PTPRN2: variants seen among roughly 807,000 people sequenced by gnomAD.
PTPRN2 encodes the protein receptor-type tyrosine-protein phosphatase N2.
Under a neutral mutation model 118.8 loss-of-function variants are expected in PTPRN2, and 74 were observed. That is an observed-to-expected ratio of 0.62 (90% confidence interval 0.52 to 0.76). The LOEUF (loss-of-function observed/expected upper bound fraction) is 0.76. Ranked by LOEUF, PTPRN2 falls within the 30% of genes least tolerant of loss-of-function variation. The pLI is 0.00. For synonymous variants in PTPRN2, 641 were observed against 608.0 expected (o/e 1.05, Z -0.80); for missense variants, 1,481 against 1,394.4 (o/e 1.06, Z -0.99).
chr7:158,383,952 C>G (rs2151353780), intron 2 of PTPRN2, among the ~76,000 whole-genome samples: 1 of 152,342 alleles, frequency 6.6e-6, no homozygotes, highest in African/African-American at 2.4e-5. Context: ...GAATCCTTTT[C>G]ACTTGAGTCC....
In PTPRN2 at chr7:157,569,001, G is replaced by A. The variant is rs55645555; in HGVS notation, c.2838-35C>T. On this transcript the variant is annotated intron_variant, in intron 20 of 22. Transcript: ENST00000389418. The stretch of plus-strand genomic sequence containing the variant: ...GAAGGAGAGAAATGAAAGTGCTGCC[G>A]TCCACACGGAAGCCCGACCCACAAC... 4,938 of 1,523,158 alleles carry A rather than the reference G, an allele frequency of 3.2e-3. 13 individuals are homozygous for A. Among genetic ancestry groups the A allele is most frequent in the South Asian group, 4.8e-3 (428 of 89,160 alleles). The allele number at this position is 1,523,158 out of a possible 1,614,324, so 94.4% of individuals were successfully genotyped here.
Position 157,695,621 on chromosome 7 carries a change from A to G in PTPRN2, c.1789-12684T>C, listed in dbSNP as rs74895830. ...GGTCAGCCTCCTAGTAAAGCATAGT[A>G]GTTGGCATTGAGATAATTTAAGAAC... On this transcript the variant is annotated intron_variant, in intron 12 of 22. Transcript: ENST00000389418. Among the ~76,000 whole-genome samples the G allele has an allele frequency of 7.1e-3, 1,075 of 152,350 alleles. 5 individuals are homozygous for G. The highest frequency in any genetic ancestry group is 0.027 in the Middle Eastern group (8 of 294).
In PTPRN2 at chr7:157,610,955, G is replaced by A. The variant is rs558382284; in HGVS notation, c.2345-6880C>T. ...CAGCTCAGCATACAATGCTGCATCTGGGCAGACTGGGACAGGCTGGGGCTC... is the reference window on the plus strand; with the variant it reads ...CAGCTCAGCATACAATGCTGCATCTAGGCAGACTGGGACAGGCTGGGGCTC... On this transcript the variant is annotated intron_variant, in intron 15 of 22. Transcript: ENST00000389418. The surrounding 1 kb of genome is among the most constrained non-coding windows in gnomAD (Gnocchi z 5.1). Among the ~76,000 whole-genome samples the A allele has an allele frequency of 5.2e-4, 79 of 152,336 alleles. No homozygotes were observed. The highest frequency in any genetic ancestry group is 6.8e-3 in the Middle Eastern group (2 of 294).
intron 3 of PTPRN2, among the ~76,000 whole-genome samples, chr7:158,213,948 G>A (rs887156899): frequency 1.3e-5 from 2 of 152,018 alleles, no homozygotes; most frequent in Non-Finnish European, 2.9e-5. Context: ...TGGGATCTAT[G>A]ATAAAGGCTC....
intron 11 of PTPRN2, among the ~76,000 whole-genome samples, chr7:158,048,253 A>G (rs768896180): frequency 1.3e-5 from 2 of 152,124 alleles, no homozygotes; most frequent in Non-Finnish European, 2.9e-5. Context: ...AGAGCTCTAT[A>G]GCATCAGAAA....
intron 2 of PTPRN2, among the ~76,000 whole-genome samples, chr7:158,413,698 A>G (rs1430287713): frequency 6.6e-6 from 1 of 152,238 alleles, no homozygotes; most frequent in East Asian, 1.9e-4. Flanking sequence ...TGAGGACCCC[A>G]GTCTCTCAGC....
chr7:158,564,640 C>A (rs1827569428), intron 1 of PTPRN2, among the ~76,000 whole-genome samples: 1 of 152,266 alleles, frequency 6.6e-6, no homozygotes, highest in African/African-American at 2.4e-5. Flanking sequence ...CCAGGAATAC[C>A]TGGCTTGACT....
chr7:157,642,814 CAAAAAAAAAAAAAAA>C lies in PTPRN2; in HGVS notation c.2196+13528_2196+13542del, dbSNP rs11335302. ...AAGGGTCTACCAAGTCAAGAAACAGCAAAAAAAAAAAAAAAAAAAAAAAAAAAAAAGCAGCTAAAA... is the reference window on the plus strand; with the variant it reads ...AAGGGTCTACCAAGTCAAGAAACAGCAAAAAAAAAAAAAAAGCAGCTAAAA... On this transcript the variant is annotated intron_variant, in intron 14 of 22. Coordinates refer to ENST00000389418, the MANE Select transcript of PTPRN2 (RefSeq NM_002847.5). 9.1e-4 allele frequency among the ~76,000 whole-genome samples: 22 copies of C among 24,222 alleles called. 1 individual carries two copies. Among genetic ancestry groups the C allele is most frequent in the African/African-American group, 2.1e-3 (19 of 9,146 alleles). 15.9% of individuals were successfully genotyped at this position (24,222 alleles called of 152,430 possible).
chr7:158,234,766 C>G (rs570729377), intron 3 of PTPRN2, among the ~76,000 whole-genome samples: 1 of 151,758 alleles, frequency 6.6e-6, no homozygotes, highest in African/African-American at 2.4e-5. Context: ...GTTAAAATGG[C>G]TTTTTTTTTC....
intron 2 of PTPRN2, among the ~76,000 whole-genome samples, chr7:158,409,101 TTTCA>T (rs1813817901): frequency 6.6e-6 from 1 of 152,230 alleles, no homozygotes; most frequent in African/African-American, 2.4e-5. Flanking sequence ...AAAGTTCTGT[TTTCA>T]TTCATGAGAA....
intron 11 of PTPRN2, among the ~76,000 whole-genome samples, chr7:157,907,589 C>G (rs1313346094): frequency 8.3e-6 from 1 of 120,544 alleles, no homozygotes; most frequent in African/African-American, 3.3e-5. Flanking sequence ...TCCCGGGTGG[C>G]AGTATCTCCC....
chr7:157,703,869 C>G (rs1388241737), intron 12 of PTPRN2, among the ~76,000 whole-genome samples: 1 of 152,152 alleles, frequency 6.6e-6, no homozygotes, highest in Non-Finnish European at 1.5e-5. Flanking sequence ...CTCCCCTGCC[C>G]TCCACTTTCT....
In PTPRN2 at chr7:158,021,546, T is replaced by G. The variant is rs981839005; in HGVS notation, c.1723+59752A>C. On this transcript the variant is annotated intron_variant, in intron 11 of 22. Coordinates refer to ENST00000389418, the MANE Select transcript of PTPRN2 (RefSeq NM_002847.5). ...ATCGGTAATTAGCACAGAATATAAATCTCCCCCCGAGAGATGGGTGCAGAA... is the reference window on the plus strand; with the variant it reads ...ATCGGTAATTAGCACAGAATATAAAGCTCCCCCCGAGAGATGGGTGCAGAA... 2.0e-5 allele frequency among the ~76,000 whole-genome samples: 3 copies of G among 151,180 alleles called. No individual in the cohort carries two copies. In the South Asian group the frequency reaches 6.4e-4, roughly 32 times the overall value.
intron 3 of PTPRN2, among the ~76,000 whole-genome samples, chr7:158,293,277 C>CTTTTTTAATAT (rs1800241240): frequency 6.6e-6 from 1 of 151,630 alleles, no homozygotes; most frequent in South Asian, 2.1e-4. Flanking sequence ...AATAAATTAC[C>CTTTTTTAATAT]TTTAAATAGT....
intron 3 of PTPRN2, among the ~76,000 whole-genome samples, chr7:158,253,844 T>G (rs973915010): frequency 2.0e-5 from 3 of 152,104 alleles, no homozygotes; most frequent in Non-Finnish European, 2.9e-5. Context: ...CATCCATATT[T>G]ATCGAGCAGA....
intron 1 of PTPRN2, among the ~76,000 whole-genome samples, chr7:158,533,416 A>G (rs1357247751): frequency 6.6e-6 from 1 of 152,252 alleles, no homozygotes; most frequent in East Asian, 1.9e-4. Context: ...AATCCCAGAC[A>G]CAAACCATCC....
At chr7:157,725,063 A>T (rs1016819898) in intron 12 of PTPRN2, among the ~76,000 whole-genome samples, 15 of 152,244 alleles carry the variant, frequency 9.9e-5, no homozygotes, top group Non-Finnish European at 2.1e-4. Flanking sequence ...CATACTAAAC[A>T]AAAATAAACT....
intron 11 of PTPRN2, among the ~76,000 whole-genome samples, chr7:157,907,042 G>A (rs1002371034): frequency 6.6e-6 from 1 of 152,240 alleles, no homozygotes; most frequent in Non-Finnish European, 1.5e-5. Flanking sequence ...AGGTTTGGAA[G>A]CAGCCATGGA....
intron 12 of PTPRN2, among the ~76,000 whole-genome samples, chr7:157,895,463 T>C (rs1797058854): frequency 6.6e-6 from 1 of 152,058 alleles, no homozygotes. Context: ...AATAAGTAGG[T>C]TTAAAATGAT....
Sources: allele counts gnomAD v4.1 joint callset (sites outside exome capture counted in the v4.1 genomes callset), GRCh38; gene constraint gnomAD v4.1.1; non-coding constraint Gnocchi (gnomAD v3.1); transcripts MANE v1.5; gene names NCBI Gene and HGNC (gene_info 2026-07-23, HGNC 2026-07-21).